FAM185A: variants seen among roughly 807,000 people sequenced by gnomAD.
The protein encoded by FAM185A is protein FAM185A.
In FAM185A, 21 loss-of-function variants were observed where a neutral mutation model predicts 45.7. That is an observed-to-expected ratio of 0.46 (90% CI 0.33 to 0.66). The LOEUF (loss-of-function observed/expected upper bound fraction) is 0.66. Among genes scored for constraint, FAM185A ranks in the 30% least tolerant of loss-of-function variants. The probability of loss-of-function intolerance (pLI) is 0.03; values close to 1 mark genes in which losing one functional copy is unlikely to be tolerated. For missense variants in FAM185A, 305 were observed against 485.4 expected (o/e 0.63, Z 3.49); for synonymous variants, 117 against 194.0 (o/e 0.60, Z 3.30).
intron 1 of FAM185A, among the ~76,000 whole-genome samples, chr7:102,751,007 G>A (rs1351324269): frequency 1.3e-5 from 2 of 152,086 alleles, no homozygotes; most frequent in African/African-American, 4.8e-5. Context: ...TTGACTTCAC[G>A]GTTTTAAGCA....
chr7:102,835,428 T>C, the FAM185A span, among the ~76,000 whole-genome samples: 1 of 152,136 alleles, frequency 6.6e-6, no homozygotes, highest in Non-Finnish European at 1.5e-5. Context: ...ATAAGCCCCT[T>C]GTACTGCCTG....
At chr7:102,811,910 A>C (rs1318214075), downstream of FAM185A, among the ~76,000 whole-genome samples, 5 of 152,228 alleles carry the variant, frequency 3.3e-5, no homozygotes, top group African/African-American at 1.2e-4. Context: ...AGTCAACCTC[A>C]GTGGGGGAGA....
intron 7 of FAM185A, among the ~76,000 whole-genome samples, chr7:102,800,533 A>AGG (rs1562877682): frequency 6.6e-6 from 1 of 152,226 alleles, no homozygotes; most frequent in Non-Finnish European, 1.5e-5. Flanking sequence ...TCAATGAAAT[A>AGG]GATAGCATAA....
chr7:102,819,042 A>G, the FAM185A span, among the ~76,000 whole-genome samples: 1 of 152,120 alleles, frequency 6.6e-6, no homozygotes, highest in Non-Finnish European at 1.5e-5. Context: ...TATAAGTGAG[A>G]ACATGCGTTA....
In FAM185A at chr7:102,808,783, C is replaced by T. The variant is rs1281267805; in HGVS notation, c.*381C>T. 5.5e-6 allele frequency: 1 copy of T among 180,518 alleles called. No individual in the cohort carries two copies. The highest frequency in any genetic ancestry group is 1.2e-5 in the Non-Finnish European group (1 of 85,256). The allele number at this position is 180,518 out of a possible 1,614,324, so 11.2% of individuals were successfully genotyped here. A position where few individuals can be genotyped will look rare whatever the true frequency, so the allele number is the denominator to read the frequency against. On this transcript the variant is annotated 3_prime_UTR_variant, in exon 8 of 8. Transcript: ENST00000413034. ...AATCCAGTTCCTTGTGACTGGATGA[C>T]TGAGGTCTCCATTTTCTTGCTGGCT...
At chr7:102,769,426 T>C (rs747289734) in intron 4 of FAM185A, among the ~76,000 whole-genome samples, 2 of 152,154 alleles carry the variant, frequency 1.3e-5, no homozygotes, top group Non-Finnish European at 2.9e-5. Flanking sequence ...AGAAAGACCA[T>C]ATTTTTATTT....
At chr7:102,831,428 CA>C in the FAM185A span, among the ~76,000 whole-genome samples, 11 of 151,716 alleles carry the variant, frequency 7.3e-5, no homozygotes, top group East Asian at 9.7e-4. Context: ...CACACACACA[CA>C]CACCCCACTA....
chr7:102,849,496 G>A, the FAM185A span, among the ~76,000 whole-genome samples: 2 of 152,178 alleles, frequency 1.3e-5, no homozygotes, highest in Admixed American at 6.5e-5. Flanking sequence ...TATGTAGTGT[G>A]TAAGTTTTCA....
At chr7:102,784,665 T>C (rs1410439379) in intron 6 of FAM185A, among the ~76,000 whole-genome samples, 2 of 152,176 alleles carry the variant, frequency 1.3e-5, no homozygotes, top group Non-Finnish European at 2.9e-5. Flanking sequence ...ATAAATTAGG[T>C]ATTGCTGGGA....
intron 7 of FAM185A, among the ~76,000 whole-genome samples, chr7:102,807,053 G>A (rs1797161921): frequency 6.6e-6 from 1 of 152,084 alleles, no homozygotes; most frequent in Non-Finnish European, 1.5e-5. Flanking sequence ...AAATAATTAC[G>A]CTGAATGAAA....
At chr7:102,804,822 C>G (rs1054635561) in intron 7 of FAM185A, among the ~76,000 whole-genome samples, 1 of 151,948 alleles carries the variant, frequency 6.6e-6, no homozygotes, top group East Asian at 1.9e-4. Flanking sequence ...ACAATGAACT[C>G]AAACAAATCA....
At position 102,749,137 on chromosome 7, in the gene FAM185A, A is replaced by T. The variant is rs1427792794; in HGVS notation, c.-71A>T. The stretch of plus-strand genomic sequence containing the variant: ...TTGACTTGAGGCGGCACAGTGGCCA[A>T]GTCGATTGGCCGTGGCAAGTGACCC... On this transcript the variant is annotated 5_prime_UTR_variant, in exon 1 of 8. The change creates a new upstream start codon in the 5' untranslated region. Coordinates refer to ENST00000413034, the MANE Select transcript of FAM185A (RefSeq NM_001145268.2). The T allele has an allele frequency of 6.5e-7, 1 of 1,540,438 alleles. No individual in the cohort carries two copies. Among genetic ancestry groups the T allele is most frequent in the Non-Finnish European group, 8.8e-7 (1 of 1,137,782 alleles).
chr7:102,847,059 G>A, the FAM185A span, among the ~76,000 whole-genome samples: 1 of 152,136 alleles, frequency 6.6e-6, no homozygotes, highest in Non-Finnish European at 1.5e-5. Flanking sequence ...CATAAATAAA[G>A]TTTTATTGGA....
At chr7:102,785,603 G>A (rs1795739210) in intron 6 of FAM185A, among the ~76,000 whole-genome samples, 2 of 151,164 alleles carry the variant, frequency 1.3e-5, no homozygotes, top group South Asian at 4.2e-4. Flanking sequence ...TTAATAAATG[G>A]TGCTGGGAAA....
intron 4 of FAM185A, among the ~76,000 whole-genome samples, chr7:102,762,577 T>G (rs981597090): frequency 1.3e-5 from 2 of 152,186 alleles, no homozygotes; most frequent in African/African-American, 4.8e-5. Context: ...CTGGCAAAAC[T>G]CTCAGATTTT....
the FAM185A span, among the ~76,000 whole-genome samples, chr7:102,826,568 T>C: frequency 6.6e-6 from 1 of 150,614 alleles, no homozygotes; most frequent in South Asian, 2.1e-4. Context: ...AAACCCCATA[T>C]CTACAAAAAA....
chr7:102,847,875 T>C, the FAM185A span, among the ~76,000 whole-genome samples: 22 of 152,276 alleles, frequency 1.4e-4, no homozygotes, highest in African/African-American at 5.1e-4. Flanking sequence ...CCATCATCTA[T>C]TGGTTTTAGC....
chr7:102,822,361 A>G, the FAM185A span: 11 of 764,950 alleles, frequency 1.4e-5, no homozygotes, highest in Non-Finnish European at 2.3e-5. Context: ...GAAGTCCAAG[A>G]CTGAGATAAA....
chr7:102,841,349 T>C, the FAM185A span, among the ~76,000 whole-genome samples: 135 of 152,288 alleles, frequency 8.9e-4, no homozygotes, highest in Non-Finnish European at 1.8e-3. Flanking sequence ...ACGGATTATC[T>C]TCCTTTTAAC....
Sources: gnomAD v4.1 joint callset for allele counts (sites outside exome capture counted in the v4.1 genomes callset) on GRCh38, gnomAD v4.1.1 for gene constraint, MANE v1.5 for transcripts, NCBI Gene and HGNC (gene_info 2026-07-23, HGNC 2026-07-21) for gene names.